The following BACH2 variants were observed in gnomAD, a reference collection of about 807,000 sequenced individuals.
BACH2 encodes BACH transcriptional regulator 2.
BACH2 carries 5 observed loss-of-function variants against 61.8 expected under a neutral mutation model. That is an observed-to-expected ratio of 0.08 (90% CI 0.04 to 0.17). The LOEUF is 0.17. BACH2 is among the 10% of genes least tolerant of loss of function. The pLI is 1.00. For missense variants in BACH2, 824 were observed against 1,091.1 expected (o/e 0.76, Z 3.45); for synonymous variants, 446 against 440.1 (o/e 1.01, Z -0.17).
chr6:89,995,114 A>G (rs1254138934), intron 6 of BACH2, among the ~76,000 whole-genome samples: 1 of 152,184 alleles, frequency 6.6e-6, no homozygotes. Flanking sequence ...CAGGACCATG[A>G]ACTACATCTG....
At chr6:90,092,291 A>AAAAAAAAAAT in intron 4 of BACH2, among the ~76,000 whole-genome samples, 1 of 113,842 alleles carries the variant, frequency 8.8e-6, no homozygotes, top group African/African-American at 3.6e-5. Context: ...AAAAAAAAAA[A>AAAAAAAAAAT]ATATATATAT....
intron 5 of BACH2, among the ~76,000 whole-genome samples, chr6:90,030,647 A>G (rs534996607): frequency 1.3e-5 from 2 of 152,232 alleles, no homozygotes; most frequent in Non-Finnish European, 2.9e-5. Context: ...TCCCAAGACT[A>G]AACCAGGAAC....
intron 5 of BACH2, among the ~76,000 whole-genome samples, chr6:90,083,142 T>C (rs1781792370): frequency 6.6e-6 from 1 of 152,168 alleles, no homozygotes; most frequent in Non-Finnish European, 1.5e-5. Flanking sequence ...TGCAATGCCC[T>C]GGGTTAAATC....
rs146437153 is a variant in BACH2, at chr6:90,008,977, G to A, written c.-12-121C>T. On this transcript the variant is annotated intron_variant, in intron 5 of 8. Coordinates refer to ENST00000257749, the MANE Select transcript of BACH2 (RefSeq NM_021813.4). This position sits in a 1 kb window ranked among gnomAD's most constrained non-coding sequence, Gnocchi z 4.1. ...TCCTGTGTCCCACTGCCATGAGCAT[G>A]GCAGGAAGGAGGGGAATTACCAATC... is the stretch of plus-strand genomic sequence containing the variant. 109 of 1,211,686 alleles carry A rather than the reference G, an allele frequency of 9.0e-5. 1 individual carries two copies. The African/African-American group carries it at 1.2e-3, about 13-fold the overall frequency. 75.1% of individuals were successfully genotyped at this position (1,211,686 alleles called of 1,614,324 possible).
intron 4 of BACH2, among the ~76,000 whole-genome samples, chr6:90,093,843 G>GC (rs1782272656): frequency 6.6e-6 from 1 of 152,192 alleles, no homozygotes. Context: ...ACAAAATCTT[G>GC]AAGTAGCTCA....
intron 4 of BACH2, among the ~76,000 whole-genome samples, chr6:90,097,106 T>A (rs911115695): frequency 1.3e-5 from 2 of 152,096 alleles, no homozygotes; most frequent in African/African-American, 4.8e-5. Flanking sequence ...CTGTCTGCCC[T>A]CTCTTCCCAG....
At chr6:90,279,865 T>C (rs1771806806) in intron 1 of BACH2, among the ~76,000 whole-genome samples, 1 of 152,326 alleles carries the variant, frequency 6.6e-6, no homozygotes, top group South Asian at 2.1e-4. Context: ...AGTGACTAAT[T>C]ACATAAAGGG....
At chr6:90,260,984 G>A (rs1771138919) in intron 2 of BACH2, among the ~76,000 whole-genome samples, 1 of 152,222 alleles carries the variant, frequency 6.6e-6, no homozygotes, top group Non-Finnish European at 1.5e-5. Flanking sequence ...GCTTGGTCAT[G>A]ACTGGGAGAC....
chr6:89,929,484 T>C lies in BACH2; in HGVS notation c.*2924A>G, dbSNP rs1457223142. 1 of 152,344 alleles carries C rather than the reference T, an allele frequency of 6.6e-6. No individual in the cohort carries two copies. The highest frequency in any genetic ancestry group is 1.5e-5 in the Non-Finnish European group (1 of 68,040). 9.4% of individuals were successfully genotyped at this position (152,344 alleles called of 1,614,324 possible). The stretch of plus-strand genomic sequence containing the variant: ...CATCACATGAACAACTGCACGAAGC[T>C]AGTCACTGTTCATGGTGGATTATGA... On this transcript the variant is annotated 3_prime_UTR_variant, in exon 9 of 9. Transcript: ENST00000257749.
intron 4 of BACH2, among the ~76,000 whole-genome samples, chr6:90,135,369 C>T (rs1784237120): frequency 6.6e-6 from 1 of 152,202 alleles, no homozygotes; most frequent in Admixed American, 6.5e-5. Flanking sequence ...CTCGGCTACA[C>T]TTCTCGCCTA....
intron 6 of BACH2, among the ~76,000 whole-genome samples, chr6:89,986,419 T>G (rs1776245396): frequency 6.6e-6 from 1 of 152,196 alleles, no homozygotes; most frequent in Admixed American, 6.5e-5. Context: ...TCAAAGTTTT[T>G]GTTTTTTCCC....
At chr6:90,191,794 T>G (rs1052343736) in intron 4 of BACH2, among the ~76,000 whole-genome samples, 1 of 152,234 alleles carries the variant, frequency 6.6e-6, no homozygotes, top group Non-Finnish European at 1.5e-5. Context: ...TGGTAATACT[T>G]AAAATAATGA....
intron 4 of BACH2, among the ~76,000 whole-genome samples, chr6:90,204,260 C>T (rs1769061341): frequency 6.6e-6 from 1 of 152,114 alleles, no homozygotes; most frequent in Non-Finnish European, 1.5e-5. Flanking sequence ...ATGTCTCCAA[C>T]TTTCTAGGAA....
At chr6:90,196,638 CTT>C (rs1016305760) in intron 4 of BACH2, among the ~76,000 whole-genome samples, 2 of 151,382 alleles carry the variant, frequency 1.3e-5, no homozygotes. Context: ...TCACCCAACA[CTT>C]TTTTTTTCAT....
intron 6 of BACH2, chr6:89,953,277 T>C (rs1230947745): frequency 6.6e-6 from 1 of 152,190 alleles, no homozygotes; most frequent in East Asian, 1.9e-4. Context: ...TCCTCTCAGC[T>C]CTCATAGCCA....
chr6:90,134,362 T>C (rs552443235), intron 4 of BACH2, among the ~76,000 whole-genome samples: 3 of 152,356 alleles, frequency 2.0e-5, no homozygotes, highest in African/African-American at 7.2e-5. Context: ...TAATACAGTA[T>C]AGAAATATTT....
chr6:90,040,822 C>CT (rs1203204732), intron 5 of BACH2, among the ~76,000 whole-genome samples: 2 of 151,730 alleles, frequency 1.3e-5, no homozygotes, highest in African/African-American at 4.8e-5. Flanking sequence ...TTGAACTTTT[C>CT]TTTTTTGCTA....
intron 6 of BACH2, among the ~76,000 whole-genome samples, chr6:89,988,504 C>T (rs943774129): frequency 2.0e-5 from 3 of 152,260 alleles, no homozygotes; most frequent in African/African-American, 7.2e-5. Context: ...GAGAAAATAG[C>T]TCAAAGCCTT....
At chr6:90,121,116 C>G (rs1181453269) in intron 4 of BACH2, among the ~76,000 whole-genome samples, 1 of 152,130 alleles carries the variant, frequency 6.6e-6, no homozygotes, top group African/African-American at 2.4e-5. Context: ...AAATGGAAAT[C>G]ATGCAATAAT....
Sources: allele counts gnomAD v4.1 joint callset (sites outside exome capture counted in the v4.1 genomes callset), GRCh38; gene constraint gnomAD v4.1.1; non-coding constraint Gnocchi (gnomAD v3.1); transcripts MANE v1.5; gene names NCBI Gene and HGNC (gene_info 2026-07-23, HGNC 2026-07-21).